Variants in GARRE1 observed in about 807,000 individuals in gnomAD.
GARRE1 encodes granule associated Rac and RHOG effector 1.
Under a neutral mutation model 103.2 loss-of-function variants are expected in GARRE1, and 49 were observed. The ratio of observed to expected loss-of-function variants is 0.47; its 90% CI spans 0.38 to 0.60. The LOEUF is 0.60. Among genes scored for constraint, GARRE1 ranks in the 20% least tolerant of loss-of-function variants. GARRE1 has a pLI of 0.00. For synonymous variants in GARRE1, 505 were observed against 532.8 expected, an observed-to-expected ratio of 0.95 and a Z score of 0.72; for missense variants, 1,199 against 1,370.5, an observed-to-expected ratio of 0.87 and a Z score of 1.98.
intron 2 of GARRE1, among the ~76,000 whole-genome samples, chr19:34,315,636 G>A (rs550788461): frequency 2.7e-5 from 4 of 147,304 alleles, no homozygotes; most frequent in Admixed American, 6.9e-5. Flanking sequence ...GCATGAACCC[G>A]CGAGGCAAAG....
rs113179571 is a variant in GARRE1, at chr19:34,257,893, CT to C, written c.-796+3293del. Among the ~76,000 whole-genome samples, 971 of 121,086 alleles carry C rather than the reference CT, an allele frequency of 8.0e-3. 3 individuals carry two copies. Among genetic ancestry groups the C allele is most frequent in the Non-Finnish European group, 0.011 (680 of 59,242 alleles). The allele number at this position is 121,086 out of a possible 152,430, so 79.4% of individuals were successfully genotyped here. On this transcript the variant is annotated intron_variant, in intron 1 of 13. Transcript: ENST00000299505. ...CTTCTTTTTTCTTTTTCTTTTTTTT[CT>C]TTTTTTTTTTTTTGAGACAGAGTCT...
At chr19:34,349,728 G>A (rs1256462270) in intron 12 of GARRE1, among the ~76,000 whole-genome samples, 2 of 152,178 alleles carry the variant, frequency 1.3e-5, no homozygotes, top group East Asian at 3.8e-4. Context: ...TAGAGGGCAC[G>A]CAGGGCTCCC....
At chr19:34,317,241 A>G (rs1422642220) in intron 2 of GARRE1, among the ~76,000 whole-genome samples, 1 of 152,196 alleles carries the variant, frequency 6.6e-6, no homozygotes, top group Non-Finnish European at 1.5e-5. Context: ...CCCCATTAGA[A>G]TGTCGCCCTG....
At chr19:34,323,059 G>A (rs1234048647) in intron 3 of GARRE1, among the ~76,000 whole-genome samples, 3 of 99,536 alleles carry the variant, frequency 3.0e-5, no homozygotes, top group Non-Finnish European at 5.5e-5. Context: ...TTGAGGTGGA[G>A]TCTCGCTGTT....
chr19:34,287,701 G>T (rs144658004), intron 1 of GARRE1, among the ~76,000 whole-genome samples: 60 of 152,204 alleles, frequency 3.9e-4, no homozygotes, highest in African/African-American at 1.4e-3. Context: ...TAAGATCAGG[G>T]TGCCAGCACT....
intron 3 of GARRE1, among the ~76,000 whole-genome samples, chr19:34,322,657 G>A (rs888512354): frequency 2.6e-5 from 4 of 151,662 alleles, no homozygotes; most frequent in African/African-American, 4.8e-5. Flanking sequence ...GCGCAATCTC[G>A]GCTCACTGTA....
intron 1 of GARRE1, among the ~76,000 whole-genome samples, chr19:34,289,728 A>T (rs10422090): frequency 0.048 from 7,285 of 151,948 alleles, 551 homozygotes; most frequent in African/African-American, 0.17. Flanking sequence ...GTCTCAAAAA[A>T]AAAAATAAAA....
intron 2 of GARRE1, among the ~76,000 whole-genome samples, chr19:34,314,327 T>C (rs577857085): frequency 6.6e-6 from 1 of 152,304 alleles, no homozygotes; most frequent in South Asian, 2.1e-4. Flanking sequence ...GAAAGCAAAC[T>C]ATAAACACAC....
intron 2 of GARRE1, among the ~76,000 whole-genome samples, chr19:34,303,860 C>T (rs1355210851): frequency 6.6e-6 from 1 of 152,094 alleles, no homozygotes; most frequent in Non-Finnish European, 1.5e-5. Flanking sequence ...AAGTGAGCCA[C>T]CCACCTCAGA....
chr19:34,260,784 A>G (rs896123361), intron 1 of GARRE1, among the ~76,000 whole-genome samples: 2 of 152,234 alleles, frequency 1.3e-5, no homozygotes, highest in African/African-American at 4.8e-5. Context: ...AATCTCAGGG[A>G]AAACTTTAAA....
At chr19:34,328,529 A>T (rs1338868280) in intron 6 of GARRE1, among the ~76,000 whole-genome samples, 3 of 11,378 alleles carry the variant, frequency 2.6e-4, no homozygotes, top group African/African-American at 1.3e-3. Context: ...CTCTGTCTTA[A>T]AAAAAAAAAA....
At position 34,261,550 on chromosome 19, in the gene GARRE1, C is replaced by T. The variant is rs139527856; in HGVS notation, c.-796+6936C>T. ...CTGCTCATCCAGGGAATCCAGCCTG[C>T]AGTTCTCAGGGGAGACTTCTGGAGA... is the stretch of plus-strand genomic sequence containing the variant. On this transcript the variant is annotated intron_variant, in intron 1 of 13. Coordinates refer to ENST00000299505, the MANE Select transcript of GARRE1 (RefSeq NM_014686.5). Among the ~76,000 whole-genome samples the T allele has an allele frequency of 2.0e-5, 3 of 152,266 alleles. No homozygotes were observed. In the East Asian group the frequency reaches 5.8e-4, roughly 29 times the overall value.
intron 2 of GARRE1, among the ~76,000 whole-genome samples, chr19:34,308,790 C>T (rs1263163810): frequency 1.3e-5 from 2 of 152,138 alleles, no homozygotes; most frequent in Non-Finnish European, 2.9e-5. Flanking sequence ...CCAGTAGAAA[C>T]TGTTTTTCAT....
chr19:34,328,133 C>G lies in GARRE1; in HGVS notation c.1086C>G (p.Asp362Glu). 6.2e-7 allele frequency: 1 copy of G among 1,613,896 alleles called. No individual in the cohort carries two copies. Among genetic ancestry groups the G allele is most frequent in the Non-Finnish European group, 8.5e-7 (1 of 1,180,002 alleles). ...TCTCCTTTAATGAGTCGGCCGCCGA[C>G]AATCTGAAACTTAAGACGGTAGCTT... Reference protein sequence around the residue: ...KGVSFNESAADNLKLKTHTML... With the variant: ...KGVSFNESAAENLKLKTHTML... The change falls in exon 6 of 14, where the codon GAC becomes GAG. Residue 362 changes from aspartate to glutamate, a missense_variant. Transcript: ENST00000299505.
At chr19:34,256,196 A>G (rs1480113447) in intron 1 of GARRE1, among the ~76,000 whole-genome samples, 1 of 151,080 alleles carries the variant, frequency 6.6e-6, no homozygotes, top group Non-Finnish European at 1.5e-5. Flanking sequence ...TATTTGGACA[A>G]TTTTTCTGTC....
At chr19:34,266,133 T>C (rs1174177456) in intron 1 of GARRE1, among the ~76,000 whole-genome samples, 1 of 152,202 alleles carries the variant, frequency 6.6e-6, no homozygotes, top group Non-Finnish European at 1.5e-5. Context: ...AGCAGTGCTA[T>C]GCACTTAGGA....
At chr19:34,327,940 G>C in intron 5 of GARRE1, 50 bp from the exon 6 acceptor site, 1 of 1,613,868 alleles carries the variant, frequency 6.2e-7, no homozygotes, top group Non-Finnish European at 8.5e-7. Context: ...CAAGTGTTTT[G>C]ACAGATGAGC....
At chr19:34,254,765 C>T (rs951762049) in intron 1 of GARRE1, among the ~76,000 whole-genome samples, 151 bp downstream of exon 1, 3 of 148,330 alleles carry the variant, frequency 2.0e-5, no homozygotes, top group Non-Finnish European at 3.0e-5. Flanking sequence ...GGCGCGGGGC[C>T]GTGGGCTCCC....
intron 3 of GARRE1, among the ~76,000 whole-genome samples, chr19:34,320,823 A>G (rs2074083994): frequency 1.3e-5 from 2 of 150,274 alleles, no homozygotes; most frequent in Non-Finnish European, 3.0e-5. Flanking sequence ...CGGGCTCAAG[A>G]GATACTCCCA....
Sources: allele counts gnomAD v4.1 joint callset (sites outside exome capture counted in the v4.1 genomes callset), GRCh38; gene constraint gnomAD v4.1.1; transcripts MANE v1.5; gene names NCBI Gene and HGNC (gene_info 2026-07-23, HGNC 2026-07-21).